Variants in MYT1L observed in about 807,000 individuals in gnomAD.
The protein encoded by MYT1L is myelin transcription factor 1 like, also known as myelin transcription factor 1-like protein.
Under a neutral mutation model 126.7 loss-of-function variants are expected in MYT1L, and 12 were observed. The ratio of observed to expected loss-of-function variants is 0.09; its 90% CI spans 0.06 to 0.15. MYT1L has a LOEUF of 0.15. MYT1L is among the 10% of genes least tolerant of loss of function. The pLI is 1.00. For synonymous variants in MYT1L, 541 were observed against 604.2 expected, an observed-to-expected ratio of 0.90 and a Z score of 1.53; for missense variants, 979 against 1,585.2, an observed-to-expected ratio of 0.62 and a Z score of 6.49.
intron 3 of MYT1L, among the ~76,000 whole-genome samples, chr2:2,171,190 C>T (rs1251434168): frequency 6.6e-6 from 1 of 152,118 alleles, no homozygotes; most frequent in Admixed American, 6.5e-5. Flanking sequence ...ACTTGCTCTC[C>T]CACCCTGAAA....
chr2:2,125,001 C>T (rs954485334), intron 3 of MYT1L, among the ~76,000 whole-genome samples: 4 of 152,234 alleles, frequency 2.6e-5, no homozygotes, highest in African/African-American at 9.6e-5. Context: ...AAAGGCAAAC[C>T]TTTATCCATA....
intron 3 of MYT1L, among the ~76,000 whole-genome samples, chr2:2,137,991 A>G (rs993639573): frequency 9.2e-5 from 14 of 152,206 alleles, no homozygotes; most frequent in Admixed American, 7.9e-4. Flanking sequence ...ACAAATTTAC[A>G]AGAAAAAAAC....
Position 1,979,839 on chromosome 2 carries a change from G to A in MYT1L, c.1-62C>T. On this transcript the variant is annotated intron_variant, in intron 5 of 24. Transcript: ENST00000647738. This position sits in a 1 kb window ranked among gnomAD's most constrained non-coding sequence, Gnocchi z 4.0. ...TGCCTGTGCAGGCCAGCCCTGCAGGGGCGGCTCACTCTCCCTGGCATTCTA... is the reference window on the plus strand; with the variant it reads ...TGCCTGTGCAGGCCAGCCCTGCAGGAGCGGCTCACTCTCCCTGGCATTCTA... 1 of 1,562,018 alleles carries A rather than the reference G, an allele frequency of 6.4e-7. No homozygotes were observed. Among genetic ancestry groups the A allele is most frequent in the Non-Finnish European group, 8.8e-7 (1 of 1,135,484 alleles).
intron 3 of MYT1L, among the ~76,000 whole-genome samples, chr2:2,085,966 T>C (rs2076315063): frequency 6.6e-6 from 1 of 152,238 alleles, no homozygotes; most frequent in Non-Finnish European, 1.5e-5. Context: ...GAGAAGGGAA[T>C]GGAATCTCAA....
chr2:2,037,719 T>G (rs1251998111), intron 4 of MYT1L, among the ~76,000 whole-genome samples: 4 of 151,046 alleles, frequency 2.6e-5, no homozygotes, highest in African/African-American at 9.7e-5. Context: ...TTGTGCCACT[T>G]GCACTCCAGC....
chr2:1,799,738 C>G (rs1391710107), intron 23 of MYT1L, among the ~76,000 whole-genome samples: 4 of 152,230 alleles, frequency 2.6e-5, no homozygotes, highest in Non-Finnish European at 2.9e-5. Flanking sequence ...TGGTTTGGCT[C>G]TGTGTCCCCA....
Position 1,985,561 on chromosome 2 carries a change from T to C in MYT1L, c.1-5784A>G, listed in dbSNP as rs1384632918. Reference sequence around the variant, plus strand: ...GAAGATTAGCAAGAATCATAACTTATATTTTCTAGTCATCCTTCAAAAATG... The same window carrying C: ...GAAGATTAGCAAGAATCATAACTTACATTTTCTAGTCATCCTTCAAAAATG... On this transcript the variant is annotated intron_variant, in intron 5 of 24. Coordinates refer to ENST00000647738, the MANE Select transcript of MYT1L (RefSeq NM_001303052.2). Among the ~76,000 whole-genome samples the C allele has an allele frequency of 3.9e-5, 6 of 152,250 alleles. No homozygotes were observed. In the East Asian group the frequency reaches 7.7e-4, roughly 20 times the overall value.
At chr2:1,984,999 C>T (rs1344549776) in intron 5 of MYT1L, among the ~76,000 whole-genome samples, 6 of 152,092 alleles carry the variant, frequency 3.9e-5, no homozygotes, top group African/African-American at 1.2e-4. Flanking sequence ...GCCACAGGGA[C>T]CTGCTCTCCC....
intron 1 of MYT1L, among the ~76,000 whole-genome samples, chr2:2,297,273 T>A (rs1307612704): frequency 6.6e-6 from 1 of 152,080 alleles, no homozygotes; most frequent in Non-Finnish European, 1.5e-5. Flanking sequence ...TTGAGTCATT[T>A]CTCCCTGCTC....
chr2:2,187,123 C>T (rs2092268422), intron 2 of MYT1L, among the ~76,000 whole-genome samples: 1 of 152,144 alleles, frequency 6.6e-6, no homozygotes, highest in Admixed American at 6.6e-5. Context: ...GAGTGACAGA[C>T]AAGCAAATGT....
intron 2 of MYT1L, among the ~76,000 whole-genome samples, chr2:2,267,176 A>T (rs2095152770): frequency 6.6e-6 from 1 of 152,186 alleles, no homozygotes; most frequent in African/African-American, 2.4e-5. Flanking sequence ...ACCCTGAAAC[A>T]CAAAGTCTGA....
At chr2:2,056,063 G>A (rs762232026) in intron 3 of MYT1L, among the ~76,000 whole-genome samples, 1 of 152,200 alleles carries the variant, frequency 6.6e-6, no homozygotes, top group Non-Finnish European at 1.5e-5. Flanking sequence ...AAAGTGATAA[G>A]TATCTACAAA....
chr2:2,079,254 A>G (rs1306618024), intron 3 of MYT1L, among the ~76,000 whole-genome samples: 7 of 152,242 alleles, frequency 4.6e-5, no homozygotes. Context: ...TAAAATTGAC[A>G]TAATGAATAA....
At chr2:2,208,334 G>A (rs986843458) in intron 2 of MYT1L, among the ~76,000 whole-genome samples, 3 of 152,180 alleles carry the variant, frequency 2.0e-5, no homozygotes, top group Non-Finnish European at 2.9e-5. Context: ...GGCGGTAAAC[G>A]TGTCTGGTTT....
chr2:2,083,999 T>G (rs1487643942), intron 3 of MYT1L, among the ~76,000 whole-genome samples: 1 of 151,532 alleles, frequency 6.6e-6, no homozygotes, highest in Non-Finnish European at 1.5e-5. Flanking sequence ...GCCCATGTGC[T>G]GATGCCTTCC....
intron 18 of MYT1L, among the ~76,000 whole-genome samples, chr2:1,865,233 G>A (rs2045301430): frequency 6.6e-6 from 1 of 152,186 alleles, no homozygotes; most frequent in African/African-American, 2.4e-5. Flanking sequence ...GACCTGCACT[G>A]GATGTGAGAG....
chr2:2,055,352 A>G (rs2069378110), intron 3 of MYT1L, among the ~76,000 whole-genome samples: 1 of 152,240 alleles, frequency 6.6e-6, no homozygotes, highest in South Asian at 2.1e-4. Flanking sequence ...ATTTTACAAG[A>G]GCATGTTATT....
At chr2:2,296,040 G>A (rs1050984702) in intron 1 of MYT1L, among the ~76,000 whole-genome samples, 4 of 152,084 alleles carry the variant, frequency 2.6e-5, no homozygotes, top group Non-Finnish European at 4.4e-5. Context: ...ACCCAAGAGC[G>A]GAGTTACATT....
At chr2:2,253,314 G>A (rs550985983) in intron 2 of MYT1L, among the ~76,000 whole-genome samples, 5 of 152,270 alleles carry the variant, frequency 3.3e-5, no homozygotes, top group East Asian at 3.9e-4. Context: ...CAGTGACTTC[G>A]CCTTGAAGGT....
Sources: allele counts gnomAD v4.1 joint callset (sites outside exome capture counted in the v4.1 genomes callset), GRCh38; gene constraint gnomAD v4.1.1; non-coding constraint Gnocchi (gnomAD v3.1); transcripts MANE v1.5; gene names NCBI Gene and HGNC (gene_info 2026-07-23, HGNC 2026-07-21).